Variants in NTRK2 observed in about 807,000 individuals in gnomAD.
NTRK2 encodes neurotrophic receptor tyrosine kinase 2, also known as BDNF/NT-3 growth factors receptor.
A neutral mutation model predicts 94.5 loss-of-function variants in NTRK2; 13 were observed. The ratio of observed to expected loss-of-function variants is 0.14; its 90% CI spans 0.09 to 0.22. The LOEUF (loss-of-function observed/expected upper bound fraction) is 0.22, where lower values mean the gene tolerates loss of function less well. Ranked by LOEUF, NTRK2 falls within the 10% of genes least tolerant of loss-of-function variation. The probability of loss-of-function intolerance (pLI) is 1.00; values close to 1 mark genes in which losing one functional copy is unlikely to be tolerated. For synonymous variants in NTRK2, 372 were observed against 407.4 expected, an observed-to-expected ratio of 0.91 and a Z score of 1.05; for missense variants, 639 against 1,071.2, an observed-to-expected ratio of 0.60 and a Z score of 5.63.
At chr9:84,678,785 T>C (rs916971135) in intron 2 of NTRK2, among the ~76,000 whole-genome samples, 1 of 152,228 alleles carries the variant, frequency 6.6e-6, no homozygotes, top group Admixed American at 6.5e-5. Flanking sequence ...ACACTCTTTT[T>C]AGTTTACTCC....
intron 12 of NTRK2, among the ~76,000 whole-genome samples, chr9:84,848,318 T>C (rs2074573611): frequency 6.6e-6 from 1 of 152,206 alleles, no homozygotes; most frequent in Non-Finnish European, 1.5e-5. Flanking sequence ...CAGCTGTGCA[T>C]CTCTGATTAA....
Position 85,024,592 on chromosome 9 carries a change from C to A in NTRK2, c.*3155C>A, listed in dbSNP as rs147918913. On this transcript the variant is annotated 3_prime_UTR_variant, in exon 19 of 19. Coordinates refer to ENST00000277120, the MANE Select transcript of NTRK2 (RefSeq NM_006180.6). ...ATCCAAGTACTCTCACTCTGAACTTCGTGGTTCTGTCCACTAGAGACTCTA... is the reference window on the plus strand; with the variant it reads ...ATCCAAGTACTCTCACTCTGAACTTAGTGGTTCTGTCCACTAGAGACTCTA... The A allele has an allele frequency of 4.3e-6, 1 of 232,994 alleles. No individual in the cohort carries two copies. The highest frequency in any genetic ancestry group is 2.2e-5 in the African/African-American group (1 of 45,470). The allele number at this position is 232,994 out of a possible 1,614,324, so 14.4% of individuals were successfully genotyped here.
chr9:84,790,482 T>A (rs911097602), intron 12 of NTRK2, among the ~76,000 whole-genome samples: 1 of 152,214 alleles, frequency 6.6e-6, no homozygotes, highest in Non-Finnish European at 1.5e-5. Flanking sequence ...GGTTGCTGAA[T>A]AGACGAACAT....
chr9:84,872,373 AGTGT>A lies in NTRK2; in HGVS notation c.1633+4945_1633+4948del. 9 of 1,095,150 alleles carry A rather than the reference AGTGT, an allele frequency of 8.2e-6. No homozygotes were observed. The Admixed American group carries it at 1.3e-4, about 16-fold the overall frequency. 67.8% of individuals were successfully genotyped at this position (1,095,150 alleles called of 1,614,324 possible). A position where few individuals can be genotyped will look rare whatever the true frequency, so the allele number is the denominator to read the frequency against. Reference sequence around the variant, plus strand: ...ATCTTGGGTTCTCTTGAAGGGCAGGAGTGTGTTTTATCTTCTCCCGTCGGAGCAA... The same window carrying A: ...ATCTTGGGTTCTCTTGAAGGGCAGGAGTTTTATCTTCTCCCGTCGGAGCAA... On this transcript the variant is annotated intron_variant, in intron 14 of 18. Coordinates refer to ENST00000277120, the MANE Select transcript of NTRK2 (RefSeq NM_006180.6).
chr9:84,934,079 A>G (rs931282458), intron 14 of NTRK2, 83 bp from the exon 15 acceptor site: 94 of 1,495,962 alleles, frequency 6.3e-5, no homozygotes, highest in Non-Finnish European at 8.2e-5. Flanking sequence ...CTGGAAGCTC[A>G]GGTACAGGCC....
intron 2 of NTRK2, among the ~76,000 whole-genome samples, chr9:84,692,749 G>C (rs555615222): frequency 6.6e-6 from 1 of 152,210 alleles, no homozygotes; most frequent in Non-Finnish European, 1.5e-5. Context: ...TTACAGGCAT[G>C]AGCCACCGCG....
intron 14 of NTRK2, among the ~76,000 whole-genome samples, chr9:84,927,509 A>C (rs974619187): frequency 6.6e-6 from 1 of 152,130 alleles, no homozygotes; most frequent in Admixed American, 6.5e-5. Flanking sequence ...TAGTAGGTGC[A>C]TAGTAAAAGT....
At chr9:84,814,739 C>G (rs1179526596) in intron 12 of NTRK2, 1 of 1,064,062 alleles carries the variant, frequency 9.4e-7, no homozygotes, top group Non-Finnish European at 1.1e-6. Context: ...AGAGGGACAG[C>G]TGGACTGAGG....
chr9:84,995,291 T>C (rs1454494252), intron 17 of NTRK2, among the ~76,000 whole-genome samples: 3 of 152,140 alleles, frequency 2.0e-5, no homozygotes, highest in Non-Finnish European at 4.4e-5. Context: ...TGTTTTGCTT[T>C]TTTTTTTCCC....
At chr9:84,844,711 T>C (rs1287511888) in intron 12 of NTRK2, among the ~76,000 whole-genome samples, 1 of 150,570 alleles carries the variant, frequency 6.6e-6, no homozygotes. Flanking sequence ...CACTATTTGT[T>C]TCTATTTATT....
intron 17 of NTRK2, among the ~76,000 whole-genome samples, chr9:84,974,241 A>G (rs1236450894): frequency 2.5e-4 from 38 of 152,342 alleles, no homozygotes; most frequent in Admixed American, 2.5e-3. Context: ...CATATCTGCT[A>G]TCATACTATA....
intron 17 of NTRK2, among the ~76,000 whole-genome samples, chr9:84,997,708 G>A (rs557917577): frequency 6.6e-6 from 1 of 152,336 alleles, no homozygotes; most frequent in East Asian, 1.9e-4. Context: ...GTGCACAGCA[G>A]AGCAAATTTG....
chr9:84,867,196 A>T, intron 13 of NTRK2, 47 bp from the exon 14 acceptor site: 1 of 1,583,620 alleles, frequency 6.3e-7, no homozygotes, highest in Non-Finnish European at 8.7e-7. Flanking sequence ...TTACAGCTCA[A>T]TAAAGCCATT....
At chr9:84,862,263 A>T (rs562023011) in intron 13 of NTRK2, among the ~76,000 whole-genome samples, 1 of 152,314 alleles carries the variant, frequency 6.6e-6, no homozygotes, top group Admixed American at 6.5e-5. Flanking sequence ...CACTTTGCCA[A>T]GATATCAGAG....
chr9:84,924,539 A>G (rs906730707), intron 14 of NTRK2, among the ~76,000 whole-genome samples: 6 of 152,204 alleles, frequency 3.9e-5, no homozygotes, highest in Non-Finnish European at 8.8e-5. Flanking sequence ...GGGCAAATCA[A>G]TCCAATTCTA....
intron 12 of NTRK2, among the ~76,000 whole-genome samples, chr9:84,798,912 C>CTATATATATATATATATGTATA (rs2069995685): frequency 7.8e-6 from 1 of 128,036 alleles, no homozygotes; most frequent in Non-Finnish European, 1.6e-5. Flanking sequence ...CTTCTAAGTG[C>CTATATATATATATATATGTATA]TATATATATA....
intron 2 of NTRK2, among the ~76,000 whole-genome samples, chr9:84,679,204 A>T (rs1040294637): frequency 3.9e-5 from 6 of 152,216 alleles, no homozygotes; most frequent in Admixed American, 6.5e-5. Flanking sequence ...ATTTTATTTT[A>T]GCAGCCCACA....
intron 12 of NTRK2, chr9:84,811,181 A>G: frequency 9.4e-7 from 1 of 1,062,514 alleles, no homozygotes; most frequent in East Asian, 5.1e-5. Context: ...TATTATTAAA[A>G]GGTTATTTCC....
At chr9:85,017,127 T>A (rs1218075554) in intron 17 of NTRK2, among the ~76,000 whole-genome samples, 1 of 151,966 alleles carries the variant, frequency 6.6e-6, no homozygotes, top group South Asian at 2.1e-4. Flanking sequence ...AAATGAAGAG[T>A]TCAGGAGAGT....
Sources: gnomAD v4.1 joint callset for allele counts (sites outside exome capture counted in the v4.1 genomes callset) on GRCh38, gnomAD v4.1.1 for gene constraint, MANE v1.5 for transcripts, NCBI Gene and HGNC (gene_info 2026-07-23, HGNC 2026-07-21) for gene names.